The following CNTN5 variants were observed in gnomAD, a reference collection of about 807,000 sequenced individuals.
CNTN5 encodes contactin-5.
A neutral mutation model predicts 129.1 loss-of-function variants in CNTN5; 77 were observed. The observed-to-expected ratio is 0.60, with a 90% CI of 0.50 to 0.72. CNTN5 has a LOEUF of 0.72. Among genes scored for constraint, CNTN5 ranks in the 30% least tolerant of loss-of-function variants. The pLI is 0.00. For synonymous variants in CNTN5, 509 were observed against 465.6 expected, an observed-to-expected ratio of 1.09 and a Z score of -1.20; for missense variants, 1,478 against 1,328.8, an observed-to-expected ratio of 1.11 and a Z score of -1.75.
At chr11:99,431,208 A>G (rs1325006268) in intron 2 of CNTN5, among the ~76,000 whole-genome samples, 1 of 152,096 alleles carries the variant, frequency 6.6e-6, no homozygotes, top group Non-Finnish European at 1.5e-5. Flanking sequence ...AGAAATTAAG[A>G]CCAGCTTGTT....
chr11:100,108,037 A>G (rs1477833722), intron 13 of CNTN5, among the ~76,000 whole-genome samples: 1 of 149,436 alleles, frequency 6.7e-6, no homozygotes, highest in Non-Finnish European at 1.5e-5. Flanking sequence ...TAGTAAAGGC[A>G]TTCGAAGTGC....
intron 3 of CNTN5, among the ~76,000 whole-genome samples, chr11:99,579,636 G>GTT (rs1245059958): frequency 7.2e-6 from 1 of 139,596 alleles, no homozygotes; most frequent in South Asian, 2.6e-4. Flanking sequence ...CTGTTTGTCT[G>GTT]TTATTGGTGT....
intron 1 of CNTN5, among the ~76,000 whole-genome samples, chr11:99,213,487 T>C (rs1207483226): frequency 2.0e-5 from 3 of 148,968 alleles, no homozygotes; most frequent in Non-Finnish European, 4.4e-5. Flanking sequence ...TACACACATA[T>C]ATATATATAT....
intron 16 of CNTN5, among the ~76,000 whole-genome samples, chr11:100,251,949 G>A (rs1228437865): frequency 6.6e-6 from 1 of 152,092 alleles, no homozygotes; most frequent in African/African-American, 2.4e-5. Flanking sequence ...GGAATTGCGG[G>A]ATCACATGGC....
intron 1 of CNTN5, among the ~76,000 whole-genome samples, chr11:99,261,131 G>C (rs1043659733): frequency 2.0e-5 from 3 of 151,906 alleles, no homozygotes. Flanking sequence ...TATTATAAAA[G>C]ATCTGTAATA....
At chr11:99,284,383 A>G (rs1368719994) in intron 1 of CNTN5, among the ~76,000 whole-genome samples, 1 of 152,088 alleles carries the variant, frequency 6.6e-6, no homozygotes, top group Non-Finnish European at 1.5e-5. Context: ...GAAATTATTC[A>G]ACACTTTTTC....
intron 6 of CNTN5, among the ~76,000 whole-genome samples, chr11:99,904,293 C>A (rs1240570676): frequency 6.6e-6 from 1 of 152,042 alleles, no homozygotes; most frequent in African/African-American, 2.4e-5. Flanking sequence ...CCCAACCCCC[C>A]TCCCCAAGCC....
chr11:99,864,997 G>C (rs1948315906), intron 6 of CNTN5, among the ~76,000 whole-genome samples: 1 of 152,176 alleles, frequency 6.6e-6, no homozygotes, highest in Non-Finnish European at 1.5e-5. Flanking sequence ...GTGGATATCA[G>C]TTACATGAAG....
At chr11:100,348,049 GT>G (rs201172296) in intron 23 of CNTN5, among the ~76,000 whole-genome samples, 7 of 148,632 alleles carry the variant, frequency 4.7e-5, no homozygotes, top group East Asian at 2.0e-4. Context: ...ACTGCTCTCA[GT>G]TTTTTTTTTA....
intron 13 of CNTN5, among the ~76,000 whole-genome samples, chr11:100,115,137 A>AC (rs1426238286): frequency 6.7e-6 from 1 of 148,692 alleles, no homozygotes; most frequent in Non-Finnish European, 1.5e-5. Context: ...AAAAAAAAAA[A>AC]AAGAAAGAAA....
intron 3 of CNTN5, among the ~76,000 whole-genome samples, chr11:99,761,485 A>G (rs1944580530): frequency 6.6e-6 from 1 of 151,854 alleles, no homozygotes; most frequent in Admixed American, 6.6e-5. Context: ...CTCATTGTTC[A>G]ATTCCCACCT....
rs562974196 is a variant in CNTN5 at position 99,984,182 on chromosome 11, C to T, written c.878-17852C>T. On this transcript the variant is annotated intron_variant, in intron 8 of 24. Coordinates refer to ENST00000524871, the MANE Select transcript of CNTN5 (RefSeq NM_014361.4). ...GTCCCAGCTACTTGGAAGTCTGAGT[C>T]GAGAGAATCGCTTGAACCAAGGAGG... 3.7e-4 allele frequency among the ~76,000 whole-genome samples: 56 copies of T among 152,042 alleles called. 1 individual carries two copies. The South Asian group carries it at 9.1e-3, about 25-fold the overall frequency.
chr11:99,482,176 C>T (rs756145093), intron 2 of CNTN5, among the ~76,000 whole-genome samples: 2 of 152,120 alleles, frequency 1.3e-5, no homozygotes, highest in African/African-American at 2.4e-5. Flanking sequence ...ATACCTTTCC[C>T]TTTCAGATAC....
At chr11:99,845,054 T>G (rs201829843) in intron 5 of CNTN5, 33 bp from the exon 6 acceptor site, 6 of 1,611,692 alleles carry the variant, frequency 3.7e-6, no homozygotes, top group Non-Finnish European at 5.1e-6. Flanking sequence ...TCAGGGAGGA[T>G]TATACATATT....
At chr11:99,440,845 C>A (rs1263304588) in intron 2 of CNTN5, among the ~76,000 whole-genome samples, 1 of 152,110 alleles carries the variant, frequency 6.6e-6, no homozygotes, top group Non-Finnish European at 1.5e-5. Flanking sequence ...CACTAAATTG[C>A]AAGGGAAGCT....
chr11:100,010,855 G>A (rs1940484209), intron 9 of CNTN5, among the ~76,000 whole-genome samples: 1 of 151,980 alleles, frequency 6.6e-6, no homozygotes, highest in Non-Finnish European at 1.5e-5. Flanking sequence ...TATTCAGTAA[G>A]GCTTACGTCA....
intron 2 of CNTN5, among the ~76,000 whole-genome samples, chr11:99,398,075 A>G (rs901535746): frequency 1.3e-5 from 2 of 151,870 alleles, no homozygotes; most frequent in East Asian, 1.9e-4. Context: ...CAACAGTGAG[A>G]CACCTGGCTC....
At chr11:100,081,638 A>G (rs1381785879) in intron 13 of CNTN5, among the ~76,000 whole-genome samples, 1 of 152,204 alleles carries the variant, frequency 6.6e-6, no homozygotes, top group Non-Finnish European at 1.5e-5. Context: ...CATAATGTCA[A>G]CAAATGGTGA....
chr11:100,165,438 A>C (rs1463343241), intron 13 of CNTN5, among the ~76,000 whole-genome samples: 1 of 106,464 alleles, frequency 9.4e-6, no homozygotes. Flanking sequence ...GTCAAATAAG[A>C]TAATGTATTG....
Sources: gnomAD v4.1 joint callset for allele counts (sites outside exome capture counted in the v4.1 genomes callset) on GRCh38, gnomAD v4.1.1 for gene constraint, MANE v1.5 for transcripts, NCBI Gene and HGNC (gene_info 2026-07-23, HGNC 2026-07-21) for gene names.